PREPL: variants seen among roughly 807,000 people sequenced by gnomAD.
PREPL encodes prolyl endopeptidase like.
Under a neutral mutation model 70.6 loss-of-function variants are expected in PREPL, and 77 were observed. The ratio of observed to expected loss-of-function variants is 1.09; its 90% CI spans 0.91 to 1.32. The LOEUF is 1.32. PREPL is among the 40% of genes most tolerant of loss of function. The pLI, the probability that PREPL is intolerant of heterozygous loss-of-function variation, is 0.00. For synonymous variants in PREPL, 315 were observed against 264.8 expected (o/e 1.19, Z -1.84); for missense variants, 1,002 against 778.2 (o/e 1.29, Z -3.42).
At chr2:44,325,935 A>G (rs1343950250) in intron 10 of PREPL, among the ~76,000 whole-genome samples, 1 of 152,250 alleles carries the variant, frequency 6.6e-6, no homozygotes, top group Non-Finnish European at 1.5e-5. Context: ...ACAGGGTAAG[A>G]TATTTCAATT....
In PREPL at chr2:44,322,773, G is replaced by C. The variant is rs1282041334; in HGVS notation, c.1711C>G (p.Leu571Val). The C allele has an allele frequency of 1.9e-6, 3 of 1,613,728 alleles. No homozygotes were observed. Among genetic ancestry groups the C allele is most frequent in the African/African-American group, 2.7e-5 (2 of 74,888 alleles). ...LKGIVSYTEKLKEAIAEHAKD... is the reference protein window; with the variant it reads ...LKGIVSYTEKVKEAIAEHAKD... ...GCATGCTCCGCGATGGCTTCCTTGA[G>C]TTTCTCAGTATAACTTACAATTCCT... The change falls in exon 12 of 14, where the codon CTC becomes GTC. Residue 571 changes from leucine to valine, a missense_variant. Transcript: ENST00000409411.
intron 9 of PREPL, among the ~76,000 whole-genome samples, chr2:44,327,476 G>A (rs540885858): frequency 6.6e-6 from 1 of 152,270 alleles, no homozygotes; most frequent in African/African-American, 2.4e-5. Context: ...AAAAATTTGA[G>A]TTTCCAGAGG....
chr2:44,339,208 A>T lies in PREPL; in HGVS notation c.641T>A (p.Val214Asp). ...GTATAATTCATCATCTCTGTGTTCA[A>T]CATAGTAAAGGACCCCATGTATTCG... ...QKRIHGVLYY[V>D]EHRDDELYIL... is the part of the protein sequence containing the mutation. The change falls in exon 6 of 14, where the codon GTT (valine) becomes GAT (aspartate). Residue 214 changes from valine (V) to aspartate (D), a missense_variant. Coordinates refer to ENST00000409411, the MANE Select transcript of PREPL (RefSeq NM_001171613.2). The T allele has an allele frequency of 1.2e-6, 2 of 1,614,168 alleles. No individual in the cohort carries two copies. The highest frequency in any genetic ancestry group is 1.7e-5 in the Admixed American group (1 of 60,010).
intron 1 of PREPL, among the ~76,000 whole-genome samples, chr2:44,352,522 A>G (rs1305453898): frequency 1.3e-5 from 2 of 152,168 alleles, no homozygotes; most frequent in South Asian, 2.1e-4. Flanking sequence ...TCAGCCTCCC[A>G]AAGTATATTA....
At chr2:44,324,131 A>G (rs762135740) in intron 10 of PREPL, among the ~76,000 whole-genome samples, 8 of 152,246 alleles carry the variant, frequency 5.3e-5, no homozygotes, top group African/African-American at 1.7e-4. Flanking sequence ...CCACGCTACA[A>G]TATGGATGAA....
intron 9 of PREPL, among the ~76,000 whole-genome samples, chr2:44,327,522 G>A (rs1222260403): frequency 6.6e-6 from 1 of 152,174 alleles, no homozygotes; most frequent in Non-Finnish European, 1.5e-5. Flanking sequence ...ATACGACACA[G>A]CATGTATAAG....
At chr2:44,339,104 C>A in intron 6 of PREPL, 43 bp downstream of exon 6, 2 of 1,607,660 alleles carry the variant, frequency 1.2e-6, no homozygotes, top group Non-Finnish European at 8.5e-7. Context: ...AAGTGTGACA[C>A]TTCTTAACAG....
chr2:44,319,638 C>G lies in PREPL; in HGVS notation c.*1718G>C, dbSNP rs765153997. ...TACTATTATGGTAAAAAAAAGTCTA[C>G]AATTTCTAACTTTCACCTTAGGCAG... On this transcript the variant is annotated 3_prime_UTR_variant, in exon 14 of 14. Coordinates refer to ENST00000409411, the MANE Select transcript of PREPL (RefSeq NM_001171613.2). The G allele has an allele frequency of 2.0e-5, 3 of 152,976 alleles. No individual in the cohort carries two copies. The highest frequency in any genetic ancestry group is 4.4e-5 in the Non-Finnish European group (3 of 68,658). 9.5% of individuals were successfully genotyped at this position (152,976 alleles called of 1,614,324 possible).
intron 1 of PREPL, among the ~76,000 whole-genome samples, chr2:44,349,151 G>T (rs960843754): frequency 6.6e-6 from 1 of 152,206 alleles, no homozygotes; most frequent in Non-Finnish European, 1.5e-5. Context: ...AGAATGATAT[G>T]TGTTAACTTT....
intron 10 of PREPL, among the ~76,000 whole-genome samples, chr2:44,324,186 T>G (rs1387685670): frequency 6.6e-6 from 1 of 152,148 alleles, no homozygotes; most frequent in Non-Finnish European, 1.5e-5. Flanking sequence ...CACAAAAAAT[T>G]TTGTATGACT....
In PREPL at chr2:44,346,339, C is replaced by T. The variant is rs149464597; in HGVS notation, c.4G>A (p.Asp2Asn). 23 of 1,612,192 alleles carry T rather than the reference C, an allele frequency of 1.4e-5. No homozygotes were observed. The highest frequency in any genetic ancestry group is 1.9e-5 in the Non-Finnish European group (22 of 1,178,790). ...TTTGTTCTCACTTTTTCAAATGCAT[C>T]CATGTTTTCTGGAAGGGGTTTTTCG... The part of the protein sequence containing the change: M[D>N]AFEKVRTKLE... Residue 2 changes from aspartate (D) to asparagine (N), a missense_variant, in exon 2 of 14, where the codon GAT becomes AAT. Physicochemically the swap from Asp to Asn is conservative, Grantham distance 23. Transcript: ENST00000409411.
At chr2:44,322,974 A>C (rs775894759) in intron 11 of PREPL, 120 bp from the exon 12 acceptor site, 56 of 1,354,796 alleles carry the variant, frequency 4.1e-5, no homozygotes, top group Non-Finnish European at 5.4e-5. Flanking sequence ...GCTTTTTCTC[A>C]CTTGCTATCT....
At chr2:44,323,191 C>G in intron 11 of PREPL, 71 bp downstream of exon 11, 1 of 1,420,628 alleles carries the variant, frequency 7.0e-7, no homozygotes, top group Non-Finnish European at 9.4e-7. Flanking sequence ...TTTGCTTCAG[C>G]TTGGATAAGT....
At chr2:44,346,632 T>C (rs1207562956) in intron 1 of PREPL, among the ~76,000 whole-genome samples, 3 of 152,108 alleles carry the variant, frequency 2.0e-5, no homozygotes, top group Non-Finnish European at 4.4e-5. Context: ...TTATTTTAGA[T>C]GAATAAGTCC....
chr2:44,343,307 T>C (rs771322210), intron 4 of PREPL, among the ~76,000 whole-genome samples: 1 of 152,168 alleles, frequency 6.6e-6, no homozygotes, highest in African/African-American at 2.4e-5. Context: ...ACAGCTTCCA[T>C]TGATAAACAG....
At chr2:44,351,528 A>C (rs1205823857) in intron 1 of PREPL, among the ~76,000 whole-genome samples, 1 of 146,784 alleles carries the variant, frequency 6.8e-6, no homozygotes, top group Non-Finnish European at 1.5e-5. Context: ...AAAAAAAAAA[A>C]CAAAACCCTG....
rs556461606 is a variant in PREPL, at chr2:44,344,612, TTAA to T, written c.76-29_76-27del. 220 of 1,518,626 alleles carry T rather than the reference TTAA, an allele frequency of 1.4e-4. 2 individuals are homozygous for T. The South Asian group carries it at 2.4e-3, about 17-fold the overall frequency. The allele number at this position is 1,518,626 out of a possible 1,614,324, so 94.1% of individuals were successfully genotyped here. On this transcript the variant is annotated intron_variant, in intron 2 of 13. Transcript: ENST00000409411. Reference sequence around the variant, plus strand: ...CTGACAAAAGAAACATGCAGTTTACTTAATAATAATTTAATTAACCTTTTCATA... The same window carrying T: ...CTGACAAAAGAAACATGCAGTTTACTTAATAATTTAATTAACCTTTTCATA...
chr2:44,346,800 G>T (rs563315132), intron 1 of PREPL, among the ~76,000 whole-genome samples: 1 of 152,022 alleles, frequency 6.6e-6, no homozygotes, highest in African/African-American at 2.4e-5. Flanking sequence ...AGGAAGTACT[G>T]AAGTACTTCC....
chr2:44,328,385 C>T (rs113953201), intron 9 of PREPL, among the ~76,000 whole-genome samples: 6,274 of 126,878 alleles, frequency 0.049, 202 homozygotes, highest in South Asian at 0.15. Flanking sequence ...TGCAGTGAGC[C>T]GAGATTGTGC....
Sources: allele counts gnomAD v4.1 joint callset (sites outside exome capture counted in the v4.1 genomes callset), GRCh38; gene constraint gnomAD v4.1.1; transcripts MANE v1.5; gene names NCBI Gene and HGNC (gene_info 2026-07-23, HGNC 2026-07-21).